The following CIMAP2 variants were observed in gnomAD, a reference collection of about 807,000 sequenced individuals.
CIMAP2 encodes the protein ciliary microtubule-associated protein 2.
chr1:54,836,300 CCTGCCT>C, the CIMAP2 span, among the ~76,000 whole-genome samples: 11 of 198 alleles, frequency 0.056, no homozygotes, highest in Admixed American at 0.22. Context: ...TGCCTGCCTG[CCTGCCT>C]GCCTGCCTGC....
the CIMAP2 span, chr1:54,807,568 T>C: frequency 6.2e-7 from 1 of 1,600,890 alleles, no homozygotes; most frequent in Non-Finnish European, 8.5e-7. Flanking sequence ...AGAGACCTGC[T>C]TCAGCAAGAA....
At chr1:54,835,349 G>A in the CIMAP2 span, among the ~76,000 whole-genome samples, 201 of 151,376 alleles carry the variant, frequency 1.3e-3, 1 homozygote, top group African/African-American at 3.7e-3. Flanking sequence ...GTGCCACCAC[G>A]CCTAGCTAAT....
the CIMAP2 span, chr1:54,807,739 T>A: frequency 6.5e-7 from 1 of 1,538,824 alleles, no homozygotes; most frequent in Non-Finnish European, 8.7e-7. Context: ...CAGGTCTTCC[T>A]GTCCATTGCA....
chr1:54,813,985 C>T, the CIMAP2 span: 8 of 1,576,294 alleles, frequency 5.1e-6, no homozygotes, highest in Non-Finnish European at 6.9e-6. Flanking sequence ...GGTGAGTTCA[C>T]TCCTATGGCC....
At chr1:54,814,824 A>G in the CIMAP2 span, 5 of 1,558,944 alleles carry the variant, frequency 3.2e-6, no homozygotes, top group Non-Finnish European at 4.4e-6. Flanking sequence ...GGATGGGTGG[A>G]GTCAGCTGGC....
chr1:54,824,279 C>T, the CIMAP2 span, among the ~76,000 whole-genome samples: 7 of 152,196 alleles, frequency 4.6e-5, 1 homozygote, highest in African/African-American at 7.2e-5. Context: ...CCTCCTGCCT[C>T]GGCCTCCCAA....
chr1:54,833,290 G>A, the CIMAP2 span, among the ~76,000 whole-genome samples: 11 of 152,276 alleles, frequency 7.2e-5, no homozygotes, highest in Non-Finnish European at 1.3e-4. Flanking sequence ...GAGACAGTGC[G>A]GGGACCAGAA....
chr1:54,806,943 C>T, the CIMAP2 span: 5 of 1,538,318 alleles, frequency 3.3e-6, no homozygotes, highest in Non-Finnish European at 4.5e-6. Context: ...ACTGCCCACG[C>T]CAGGGCCAGG....
At chr1:54,826,788 C>T in the CIMAP2 span, among the ~76,000 whole-genome samples, 11 of 152,340 alleles carry the variant, frequency 7.2e-5, no homozygotes, top group East Asian at 5.8e-4. Flanking sequence ...CCAGCTGCTT[C>T]GCTTCCTTCT....
chr1:54,835,937 C>T, the CIMAP2 span, among the ~76,000 whole-genome samples: 3 of 152,092 alleles, frequency 2.0e-5, no homozygotes, highest in Non-Finnish European at 4.4e-5. Context: ...CATAGTTGGC[C>T]TTCACCATGA....
chr1:54,833,788 C>A, the CIMAP2 span, among the ~76,000 whole-genome samples: 3 of 152,170 alleles, frequency 2.0e-5, no homozygotes, highest in African/African-American at 2.4e-5. Context: ...CAGGCTCTGA[C>A]CCACTCCCTT....
At chr1:54,807,360 C>T in the CIMAP2 span, among the ~76,000 whole-genome samples, 1 of 152,212 alleles carries the variant, frequency 6.6e-6, no homozygotes. Context: ...ACGATTGCAC[C>T]TTGAGTGCCA....
chr1:54,807,118 G>A, the CIMAP2 span: 1 of 1,581,548 alleles, frequency 6.3e-7, no homozygotes, highest in Non-Finnish European at 8.7e-7. Flanking sequence ...TCCTCCCACA[G>A]GGTCTGGCCA....
chr1:54,835,602 CAA>C, the CIMAP2 span, among the ~76,000 whole-genome samples: 1 of 152,100 alleles, frequency 6.6e-6, no homozygotes, highest in African/African-American at 2.4e-5. Context: ...AGTGATTTTC[CAA>C]AGTCATTGTT....
chr1:54,811,782 C>CCCCCCCCCCCCCCCCCCCCCCCCCA, the CIMAP2 span: 1 of 1,205,988 alleles, frequency 8.3e-7, no homozygotes, highest in Non-Finnish European at 1.2e-6. Context: ...TGCCCCCACC[C>CCCCCCCCCCCCCCCCCCCCCCCCCA]CCGCCCCACA....
At chr1:54,811,766 C>CGGGGGGGCGGG in the CIMAP2 span, 1 of 1,305,190 alleles carries the variant, frequency 7.7e-7, no homozygotes, top group Non-Finnish European at 1.1e-6. Context: ...GTTCTGACAG[C>CGGGGGGGCGGG]CTCCATGCCC....
the CIMAP2 span, among the ~76,000 whole-genome samples, chr1:54,840,056 T>C: frequency 6.6e-6 from 1 of 152,228 alleles, no homozygotes; most frequent in Admixed American, 6.5e-5. Context: ...AGCCCAATTC[T>C]ATGAGTTTTG....
chr1:54,811,760 T>A, the CIMAP2 span: 1 of 1,304,448 alleles, frequency 7.7e-7, no homozygotes, highest in East Asian at 2.5e-5. Context: ...GGAGTGGTTC[T>A]GACAGCCTCC....
At chr1:54,814,980 T>C in the CIMAP2 span, 1 of 1,614,060 alleles carries the variant, frequency 6.2e-7, no homozygotes, top group Non-Finnish European at 8.5e-7. Context: ...CCAGCCCCCA[T>C]TCCTGTTGAC....
Sources: allele counts gnomAD v4.1 joint callset (sites outside exome capture counted in the v4.1 genomes callset), GRCh38; gene constraint gnomAD v4.1.1; transcripts MANE v1.5; gene names NCBI Gene and HGNC (gene_info 2026-07-23, HGNC 2026-07-21).